Variants in TET2 observed in about 807,000 individuals in gnomAD.
TET2 encodes the protein methylcytosine dioxygenase TET2.
Under a neutral mutation model 142.9 loss-of-function variants are expected in TET2, and 299 were observed. The observed-to-expected ratio is 2.09, with a 90% CI of 1.90 to 2.30. The LOEUF is 2.30. Among genes scored for constraint, TET2 ranks in the 30% most tolerant of loss-of-function variants. The probability of loss-of-function intolerance (pLI) is 0.00; values close to 1 mark genes in which losing one functional copy is unlikely to be tolerated. For synonymous variants in TET2, 819 were observed against 849.0 expected, an observed-to-expected ratio of 0.96 and a Z score of 0.61; for missense variants, 2,418 against 2,378.0, an observed-to-expected ratio of 1.02 and a Z score of -0.35.
intron 2 of TET2, among the ~76,000 whole-genome samples, chr4:105,229,469 C>T (rs534861330): frequency 6.6e-6 from 1 of 152,260 alleles, no homozygotes; most frequent in East Asian, 1.9e-4. Context: ...CGCCACCATG[C>T]CCAGCTACTT....
Position 105,276,570 on chromosome 4 carries a change from G to A in TET2, c.*51G>A. The stretch of plus-strand genomic sequence containing the variant: ...CACTTGAAAAGACCACAACCAACCT[G>A]TCAGTAGTATAGTTCTCATGACGTG... On this transcript the variant is annotated 3_prime_UTR_variant, in exon 11 of 11. Transcript: ENST00000380013. 1 of 1,512,256 alleles carries A rather than the reference G, an allele frequency of 6.6e-7. No homozygotes were observed. The highest frequency in any genetic ancestry group is 1.3e-5 in the South Asian group (1 of 77,688). The allele number at this position is 1,512,256 out of a possible 1,614,324, so 93.7% of individuals were successfully genotyped here. A position where few individuals can be genotyped will look rare whatever the true frequency, so the allele number is the denominator to read the frequency against.
At chr4:105,230,828 A>C (rs1053000815) in intron 2 of TET2, among the ~76,000 whole-genome samples, 1 of 152,182 alleles carries the variant, frequency 6.6e-6, no homozygotes, top group Non-Finnish European at 1.5e-5. Context: ...AAAAGAGCTT[A>C]GCCAGTCATT....
chr4:105,242,196 A>G (rs1452185258), intron 4 of TET2: 1 of 1,105,312 alleles, frequency 9.0e-7, no homozygotes, highest in Non-Finnish European at 1.1e-6. Flanking sequence ...TCATTTCTAA[A>G]TTAGCATGTA....
intron 3 of TET2, chr4:105,240,791 A>C (rs922899261): frequency 1.9e-6 from 2 of 1,079,588 alleles, no homozygotes; most frequent in African/African-American, 3.3e-5. Context: ...ATTGTTCTAA[A>C]GTACATACTA....
chr4:105,276,433 A>C lies in TET2; in HGVS notation c.5923A>C (p.Thr1975Pro). ...TTTCATCAAGTCTCTTGCCGAAAGG[A>C]CCATGTCCGTGACCACAGACTCCAC... The part of the protein sequence containing the change: ...LRFIKSLAER[T>P]MSVTTDSTVT... The change falls in exon 11 of 11, where the codon ACC becomes CCC. Residue 1975 changes from threonine to proline, a missense_variant. Thr to Pro is a conservative substitution (Grantham distance 38, BLOSUM62 -1). Transcript: ENST00000380013. 3 of 1,551,892 alleles carry C rather than the reference A, an allele frequency of 1.9e-6. No homozygotes were observed. The highest frequency in any genetic ancestry group is 2.6e-6 in the Non-Finnish European group (3 of 1,147,024).
intron 2 of TET2, among the ~76,000 whole-genome samples, chr4:105,227,902 T>C (rs1387159521): frequency 6.6e-6 from 1 of 152,170 alleles, no homozygotes; most frequent in Non-Finnish European, 1.5e-5. Context: ...TTTTTTTATC[T>C]TACGCAAAAA....
chr4:105,241,452 G>A lies in TET2; in HGVS notation c.3500+23G>A, dbSNP rs1486759680. The A allele has an allele frequency of 2.6e-6, 4 of 1,536,044 alleles. No homozygotes were observed. The African/African-American group carries it at 5.6e-5, about 21-fold the overall frequency. On this transcript the variant is annotated intron_variant, in intron 4 of 10. Coordinates refer to ENST00000380013, the MANE Select transcript of TET2 (RefSeq NM_001127208.3). ...AAGGTAATTAACGCAAAGGCACAGGGCAGATTAACGTTTATCCTTTTGTAT... is the reference window on the plus strand; with the variant it reads ...AAGGTAATTAACGCAAAGGCACAGGACAGATTAACGTTTATCCTTTTGTAT...
chr4:105,207,015 C>T (rs542093413), intron 2 of TET2, among the ~76,000 whole-genome samples: 13 of 152,186 alleles, frequency 8.5e-5, no homozygotes, highest in South Asian at 2.1e-4. Context: ...ATTTCAAATT[C>T]GAGTTGAACT....
chr4:105,240,561 A>C (rs375575362), intron 3 of TET2: 1 of 1,079,382 alleles, frequency 9.3e-7, no homozygotes, highest in Non-Finnish European at 1.1e-6. Flanking sequence ...CACTGTGTAG[A>C]AGGATGGAGG....
At chr4:105,212,849 G>A (rs1233544481) in intron 2 of TET2, among the ~76,000 whole-genome samples, 3 of 152,090 alleles carry the variant, frequency 2.0e-5, no homozygotes, top group African/African-American at 4.8e-5. Flanking sequence ...AACTAGCCAG[G>A]CATGGTGGCA....
At position 105,275,484 on chromosome 4, in the gene TET2, G is replaced by GTA. The variant is rs1219601999; in HGVS notation, c.4977_4978dup (p.Arg1660IlefsTer36). The GTA allele has an allele frequency of 6.4e-7, 1 of 1,551,530 alleles. No individual in the cohort carries two copies. The highest frequency in any genetic ancestry group is 8.7e-7 in the Non-Finnish European group (1 of 1,146,976). On this transcript the variant is annotated frameshift_variant, in exon 11 of 11. Transcript: ENST00000380013. LOFTEE classifies it low-confidence loss of function (END_TRUNC). ...CTCCCCAGTCTCAGCCGATGGATCTGTATAGGTATCCAAGCCAAGACCCTC... is the reference window on the plus strand; with the variant it reads ...CTCCCCAGTCTCAGCCGATGGATCTGTATATAGGTATCCAAGCCAAGACCCTC...
intron 1 of TET2, among the ~76,000 whole-genome samples, chr4:105,157,802 G>C (rs558709410): frequency 6.6e-6 from 1 of 151,934 alleles, no homozygotes; most frequent in African/African-American, 2.4e-5. Flanking sequence ...TCAGCCTCCC[G>C]AGTAGCTGGG....
intron 2 of TET2, among the ~76,000 whole-genome samples, chr4:105,207,266 C>T (rs1174100134): frequency 6.6e-6 from 1 of 152,154 alleles, no homozygotes; most frequent in Non-Finnish European, 1.5e-5. Context: ...GGATAATGAA[C>T]TTAATTTCAC....
intron 2 of TET2, among the ~76,000 whole-genome samples, chr4:105,225,220 A>G (rs1728117134): frequency 1.6e-5 from 1 of 61,258 alleles, no homozygotes; most frequent in African/African-American, 1.0e-4. Flanking sequence ...GATTTGAATA[A>G]TGAGCTATGT....
At chr4:105,240,662 T>C in intron 3 of TET2, 5 of 1,080,124 alleles carry the variant, frequency 4.6e-6, no homozygotes, top group South Asian at 4.6e-5. Context: ...ATTTGGTAAG[T>C]TGTAATCGTC....
chr4:105,276,905 A>G lies in TET2; in HGVS notation c.*386A>G. ...TTAATAATATCAAGTTTGCATAGTC[A>G]TGGAACACAAATCAAACAAGTACTG... On this transcript the variant is annotated 3_prime_UTR_variant, in exon 11 of 11. Coordinates refer to ENST00000380013, the MANE Select transcript of TET2 (RefSeq NM_001127208.3). 5.0e-6 allele frequency: 1 copy of G among 201,486 alleles called. No homozygotes were observed. Among genetic ancestry groups the G allele is most frequent in the East Asian group, 8.5e-5 (1 of 11,800 alleles). The allele number at this position is 201,486 out of a possible 1,614,324, so 12.5% of individuals were successfully genotyped here. A position where few individuals can be genotyped will look rare whatever the true frequency, so the allele number is the denominator to read the frequency against.
intron 1 of TET2, among the ~76,000 whole-genome samples, chr4:105,153,323 G>A (rs1560708974): frequency 2.0e-5 from 3 of 152,098 alleles, no homozygotes; most frequent in Non-Finnish European, 1.5e-5. Flanking sequence ...ATTTGTGTGT[G>A]TTTTGTTTTA....
chr4:105,274,728 T>C lies in TET2; in HGVS notation c.4538-320T>C, dbSNP rs369364245. ...AAGGGATGACTACACCAAGGAAGGA[T>C]AGGGAGAGAGGGAGGAAAAGGGAGG... On this transcript the variant is annotated intron_variant, in intron 10 of 10. Coordinates refer to ENST00000380013, the MANE Select transcript of TET2 (RefSeq NM_001127208.3). Among the ~76,000 whole-genome samples, 251 of 152,028 alleles carry C rather than the reference T, an allele frequency of 1.7e-3. 5 individuals carry two copies. In the South Asian group the frequency reaches 0.036, roughly 22 times the overall value.
chr4:105,243,595 A>G lies in TET2; in HGVS notation c.3620A>G (p.Glu1207Gly). 2 of 1,551,558 alleles carry G rather than the reference A, an allele frequency of 1.3e-6. No individual in the cohort carries two copies. The highest frequency in any genetic ancestry group is 1.7e-6 in the Non-Finnish European group (2 of 1,146,936). The change falls in exon 6 of 11, where the codon GAG becomes GGG. Residue 1207 changes from glutamate (E) to glycine (G), a missense_variant. Coordinates refer to ENST00000380013, the MANE Select transcript of TET2 (RefSeq NM_001127208.3). ...KWVVRRSSSE[E>G]KLLCLVRERA... ...GTGGTTCGCAGAAGCAGCAGTGAAG[A>G]GAAGCTACTGTGTTTGGTGCGGGAG... is the stretch of plus-strand genomic sequence containing the variant.
Sources: gnomAD v4.1 joint callset for allele counts (sites outside exome capture counted in the v4.1 genomes callset) on GRCh38, gnomAD v4.1.1 for gene constraint, MANE v1.5 for transcripts, NCBI Gene and HGNC (gene_info 2026-07-23, HGNC 2026-07-21) for gene names.